BNIP5: variants seen among roughly 807,000 people sequenced by gnomAD.
The protein encoded by BNIP5 is protein BNIP5.
In BNIP5, 61 loss-of-function variants were observed where a neutral mutation model predicts 67.3. The ratio of observed to expected loss-of-function variants is 0.91; its 90% CI spans 0.74 to 1.12. The LOEUF (loss-of-function observed/expected upper bound fraction) is 1.12, where lower values mean the gene tolerates loss of function less well. Ranked by LOEUF, BNIP5 falls within the 50% of genes most tolerant of loss-of-function variation. BNIP5 has a pLI of 0.00. For synonymous variants in BNIP5, 317 were observed against 319.0 expected (o/e 0.99, Z 0.07); for missense variants, 826 against 816.3 (o/e 1.01, Z -0.14).
chr6:36,331,059 C>A (rs192932029), intron 1 of BNIP5, among the ~76,000 whole-genome samples: 1 of 152,312 alleles, frequency 6.6e-6, no homozygotes, highest in African/African-American at 2.4e-5. Context: ...CCACCTCGCC[C>A]GGCCAAACAG....
rs144921946 is a variant in BNIP5 at position 36,326,633 on chromosome 6, C to T, written c.913G>A (p.Gly305Ser). The change falls in exon 5 of 12, where the codon GGC (glycine) becomes AGC (serine). Residue 305 changes from glycine (G) to serine (S), a missense_variant. Transcript: ENST00000437635. ...RTSKTNPKKH[G>S]SEEAKRGAAD... ...GCCCCCCTCTTGGCCTCCTCGGAGC[C>T]GTGTTTCTTGGGGTTTGTCTTTGAG... The T allele has an allele frequency of 2.8e-5, 45 of 1,614,084 alleles. No homozygotes were observed. Among genetic ancestry groups the T allele is most frequent in the Middle Eastern group, 1.6e-4 (1 of 6,084 alleles).
At chr6:36,334,436 T>C (rs11968573) in intron 1 of BNIP5, among the ~76,000 whole-genome samples, 3,470 of 152,274 alleles carry the variant, frequency 0.023, 97 homozygotes, top group African/African-American at 0.065. Context: ...GCTTCAGTAT[T>C]TGATACCAGC....
At chr6:36,327,485 G>A (rs1368431646) in intron 3 of BNIP5, among the ~76,000 whole-genome samples, 3 of 152,168 alleles carry the variant, frequency 2.0e-5, no homozygotes, top group Non-Finnish European at 4.4e-5. Context: ...GCCTCCCTCA[G>A]AAAGCTGTCA....
Position 36,319,574 on chromosome 6 carries a change from C to G in BNIP5, c.1705G>C (p.Glu569Gln), listed in dbSNP as rs138094812. Residue 569 changes from glutamate to glutamine, a missense_variant, in exon 11 of 12, where the codon GAG becomes CAG. Coordinates refer to ENST00000437635, the MANE Select transcript of BNIP5 (RefSeq NM_001010903.5). ...TTGCTGAGGGAGGAGTCCGAGAACT[C>G]GTAAAAAAACCTCTTAAAGCTGGGG... Reference protein sequence around the residue: ...RHPSFKRFFYEFSDSSLSKLV... With the variant: ...RHPSFKRFFYQFSDSSLSKLV... The G allele has an allele frequency of 7.8e-4, 1,261 of 1,613,020 alleles. 1 individual carries two copies. The highest frequency in any genetic ancestry group is 1.0e-3 in the Non-Finnish European group (1,175 of 1,179,318).
intron 5 of BNIP5, among the ~76,000 whole-genome samples, chr6:36,326,209 T>G (rs1240162441): frequency 1.3e-5 from 2 of 152,182 alleles, no homozygotes; most frequent in African/African-American, 4.8e-5. Context: ...ACTACTCCCC[T>G]CCCTGCCAGG....
chr6:36,323,643 G>A (rs1771687857), intron 7 of BNIP5, 110 bp from the exon 8 acceptor site: 2 of 1,245,834 alleles, frequency 1.6e-6, no homozygotes, highest in African/African-American at 3.0e-5. Flanking sequence ...CCAGAGAAGA[G>A]TGGTTGATGC....
chr6:36,323,035 G>T (rs1771670307), intron 8 of BNIP5, among the ~76,000 whole-genome samples: 1 of 152,228 alleles, frequency 6.6e-6, no homozygotes, highest in African/African-American at 2.4e-5. Context: ...GTTGTTAAGT[G>T]TTTGTGTGTG....
chr6:36,326,580 C>T lies in BNIP5; in HGVS notation c.966G>A (p.Trp322Ter). Residue 322 changes from tryptophan (W) to a stop codon, truncating the protein, a stop_gained, in exon 5 of 12, where the codon TGG becomes TGA. Coordinates refer to ENST00000437635, the MANE Select transcript of BNIP5 (RefSeq NM_001010903.5). LOFTEE classifies it high-confidence loss of function. ...GCAGAAAGCTGGACTTCTTGGGTGG[C>T]CAGGCCTCTGGACTGGAAACATCTG... ...GAADVSSPEA[W>*]PPKKSSFLPL... 4.3e-6 allele frequency: 7 copies of T among 1,614,240 alleles called. No individual in the cohort carries two copies. Among genetic ancestry groups the T allele is most frequent in the Non-Finnish European group, 5.9e-6 (7 of 1,180,040 alleles).
intron 8 of BNIP5, among the ~76,000 whole-genome samples, 192 bp from the exon 9 acceptor site, chr6:36,322,634 A>G (rs1471484751): frequency 6.6e-6 from 1 of 152,090 alleles, no homozygotes; most frequent in East Asian, 1.9e-4. Flanking sequence ...ACTTTCGCCC[A>G]CCAACCCTTT....
chr6:36,323,423 TTTC>T lies in BNIP5; in HGVS notation c.1338_1340del (p.Lys447del). Reference sequence around the variant, plus strand: ...CTCTTCTGGGTTCCTTGGAGGTGTGTTTCTTATGGTAAAACGCTCTCCTGAAGC... The same window carrying T: ...CTCTTCTGGGTTCCTTGGAGGTGTGTTTATGGTAAAACGCTCTCCTGAAGC... On this transcript the variant is annotated inframe_deletion, in exon 8 of 12. Transcript: ENST00000437635. 6.2e-7 allele frequency: 1 copy of T among 1,614,234 alleles called. No homozygotes were observed. The highest frequency in any genetic ancestry group is 8.5e-7 in the Non-Finnish European group (1 of 1,180,040).
chr6:36,324,932 T>A (rs1336445059), intron 6 of BNIP5, among the ~76,000 whole-genome samples: 1 of 151,946 alleles, frequency 6.6e-6, no homozygotes. Flanking sequence ...AGAGATGAAG[T>A]AACTTGCCCA....
At chr6:36,327,618 A>G (rs1339818003) in intron 3 of BNIP5, among the ~76,000 whole-genome samples, 1 of 152,222 alleles carries the variant, frequency 6.6e-6, no homozygotes, top group Non-Finnish European at 1.5e-5. Flanking sequence ...GGATGTCGGT[A>G]GGCATGACAC....
At chr6:36,318,069 G>A (rs1771557596) in intron 11 of BNIP5, among the ~76,000 whole-genome samples, 1 of 152,172 alleles carries the variant, frequency 6.6e-6, no homozygotes, top group Non-Finnish European at 1.5e-5. Context: ...GTAGAGGAGA[G>A]CATTTGAATG....
intron 3 of BNIP5, among the ~76,000 whole-genome samples, chr6:36,327,915 C>T (rs1013018177): frequency 6.6e-6 from 1 of 151,884 alleles, no homozygotes; most frequent in African/African-American, 2.4e-5. Context: ...CAGCTACCAG[C>T]TGGTTCCCTC....
At position 36,316,573 on chromosome 6, in the gene BNIP5, C is replaced by A. The variant is rs1245854717; in HGVS notation, c.*783G>T. ...GTGCAACAATCCATGGCAGTCCAGC[C>A]CATTGAAGCCCTCCTCCACTTCCTG... On this transcript the variant is annotated 3_prime_UTR_variant, in exon 12 of 12. Transcript: ENST00000437635. 7.5e-6 allele frequency: 3 copies of A among 398,612 alleles called. No homozygotes were observed. The highest frequency in any genetic ancestry group is 7.1e-5 in the East Asian group (2 of 28,092). The allele number at this position is 398,612 out of a possible 1,614,324, so 24.7% of individuals were successfully genotyped here.
chr6:36,321,220 C>G lies in BNIP5; in HGVS notation c.1604-1G>C. 1 of 1,593,748 alleles carries G rather than the reference C, an allele frequency of 6.3e-7. No homozygotes were observed. Among genetic ancestry groups the G allele is most frequent in the Non-Finnish European group, 8.6e-7 (1 of 1,169,044 alleles). On this transcript the variant is annotated splice_acceptor_variant, in intron 9 of 11. Transcript: ENST00000437635. LOFTEE classifies it high-confidence loss of function. ...ACAAGCTTCTGGATGATGATCTCCTCTAAGGAAAAGAAAGGAGGATTGAGT... is the reference window on the plus strand; with the variant it reads ...ACAAGCTTCTGGATGATGATCTCCTGTAAGGAAAAGAAAGGAGGATTGAGT...
chr6:36,335,384 G>A (rs1206347660), intron 1 of BNIP5, among the ~76,000 whole-genome samples: 6 of 152,084 alleles, frequency 3.9e-5, no homozygotes, highest in Non-Finnish European at 8.8e-5. Flanking sequence ...AGAGTGTGTG[G>A]CACACACACG....
rs924965901 is a variant in BNIP5 at position 36,330,181 on chromosome 6, C to T, written c.510G>A (p.Lys170=). The T allele has an allele frequency of 6.2e-7, 1 of 1,613,980 alleles. No individual in the cohort carries two copies. Among genetic ancestry groups the T allele is most frequent in the African/African-American group, 1.3e-5 (1 of 74,932 alleles). The part of the protein sequence containing the change: ...GHKKHAAEVT[K]AAQDQEARGR... ...CTCTGGCCTCCTGGTCTTGAGCTGC[C>T]TTAGTCACCTCGGCCGCGTGTTTCT... Residue 170 remains lysine (K), a synonymous_variant, in exon 2 of 12, where the codon AAG becomes AAA. Transcript: ENST00000437635.
At chr6:36,326,789 GA>G (rs747700544) in intron 4 of BNIP5, 36 bp from the exon 5 acceptor site, 1 of 1,611,426 alleles carries the variant, frequency 6.2e-7, no homozygotes, top group South Asian at 1.1e-5. Flanking sequence ...TCAGGTTCAT[GA>G]CACTGAGAGG....
Sources: allele counts gnomAD v4.1 joint callset (sites outside exome capture counted in the v4.1 genomes callset), GRCh38; gene constraint gnomAD v4.1.1; transcripts MANE v1.5; gene names NCBI Gene and HGNC (gene_info 2026-07-23, HGNC 2026-07-21).